DDX59: variants seen among roughly 807,000 people sequenced by gnomAD.
DDX59 encodes the protein DEAD-box helicase 59, also known as probable ATP-dependent RNA helicase DDX59.
DDX59 carries 30 observed loss-of-function variants against 51.9 expected under a neutral mutation model. The observed-to-expected ratio is 0.58, with a 90% CI of 0.43 to 0.78. The LOEUF (loss-of-function observed/expected upper bound fraction) is 0.78. Ranked by LOEUF, DDX59 falls within the 30% of genes least tolerant of loss-of-function variation. The pLI, the probability that DDX59 is intolerant of heterozygous loss-of-function variation, is 0.00. For synonymous variants in DDX59, 255 were observed against 253.3 expected, an observed-to-expected ratio of 1.01 and a Z score of -0.06; for missense variants, 672 against 730.8, an observed-to-expected ratio of 0.92 and a Z score of 0.93.
At chr1:200,644,638 G>A (rs1005335204) in intron 7 of DDX59, 121 bp from the exon 8 acceptor site, 48 of 1,228,064 alleles carry the variant, frequency 3.9e-5, no homozygotes, top group Non-Finnish European at 4.6e-5. Context: ...GCTCACGCCT[G>A]TAACCCCAGC....
intron 7 of DDX59, among the ~76,000 whole-genome samples, chr1:200,647,271 A>T (rs1339046981): frequency 6.6e-6 from 1 of 152,228 alleles, no homozygotes; most frequent in Non-Finnish European, 1.5e-5. Flanking sequence ...TTTCTGCTAG[A>T]GAGAGAAGCT....
At chr1:200,663,411 C>A (rs1483085057) in intron 3 of DDX59, among the ~76,000 whole-genome samples, 1 of 152,160 alleles carries the variant, frequency 6.6e-6, no homozygotes, top group Non-Finnish European at 1.5e-5. Context: ...TTATCTATGG[C>A]CATACAGCTA....
At position 200,664,061 on chromosome 1, in the gene DDX59, A is replaced by G; in HGVS notation, c.830T>C (p.Leu277Pro). The part of the protein sequence containing the change: ...FESKTPSALI[L>P]TPTRELAIQI... Reference sequence around the variant, plus strand: ...AATGGCTAACTCTCTGGTTGGTGTAAGAATGAGCGCAGATGGAGTTTTGCT... The same window carrying G: ...AATGGCTAACTCTCTGGTTGGTGTAGGAATGAGCGCAGATGGAGTTTTGCT... Residue 277 changes from leucine to proline, a missense_variant, in exon 3 of 8, where the codon CTT becomes CCT. By Grantham distance (98) the Leu-to-Pro change is moderately conservative (BLOSUM62 -3). Transcript: ENST00000331314. The G allele has an allele frequency of 6.2e-7, 1 of 1,613,502 alleles. No individual in the cohort carries two copies. Among genetic ancestry groups the G allele is most frequent in the South Asian group, 1.1e-5 (1 of 90,912 alleles).
chr1:200,664,187 G>T lies in DDX59; in HGVS notation c.805-101C>A, dbSNP rs985799704. 41 of 1,347,074 alleles carry T rather than the reference G, an allele frequency of 3.0e-5. No individual in the cohort carries two copies. The East Asian group carries it at 1.0e-3, about 33-fold the overall frequency. 83.4% of individuals were successfully genotyped at this position (1,347,074 alleles called of 1,614,324 possible). ...ATTCCAGGAACATGGCCCCTTTAAA[G>T]TGTTCCCAACTGGGTATGAGTCCTC... On this transcript the variant is annotated intron_variant, in intron 2 of 7. Transcript: ENST00000331314.
In DDX59 at chr1:200,666,119, A is replaced by C. The variant is rs1383773422; in HGVS notation, c.622T>G (p.Cys208Gly). The change falls in exon 2 of 8, where the codon TGT (cysteine) becomes GGT (glycine). Residue 208 changes from cysteine (C) to glycine (G), a missense_variant. By Grantham distance (159) the Cys-to-Gly change is radical. Transcript: ENST00000331314. ...VTRPIIDFEHCSLPEVLNHNL... is the reference protein window; with the variant it reads ...VTRPIIDFEHGSLPEVLNHNL... ...TGATTTAAGACCTCAGGGAGACTACAATGTTCAAAGTCAATAATGGGCCTG... is the reference window on the plus strand; with the variant it reads ...TGATTTAAGACCTCAGGGAGACTACCATGTTCAAAGTCAATAATGGGCCTG... 6.2e-7 allele frequency: 1 copy of C among 1,614,198 alleles called. No individual in the cohort carries two copies. The highest frequency in any genetic ancestry group is 1.6e-4 in the Middle Eastern group (1 of 6,062).
intron 1 of DDX59, among the ~76,000 whole-genome samples, chr1:200,667,613 TC>T (rs1208893165): frequency 6.6e-6 from 1 of 152,172 alleles, no homozygotes; most frequent in East Asian, 1.9e-4. Flanking sequence ...TTATAGAAAT[TC>T]TGGGGTAAAT....
chr1:200,655,325 A>C (rs1661948395), intron 4 of DDX59, among the ~76,000 whole-genome samples: 1 of 152,132 alleles, frequency 6.6e-6, no homozygotes, highest in Admixed American at 6.6e-5. Context: ...TGCAACTCTC[A>C]GATTTGGCCT....
Position 200,666,165 on chromosome 1 carries a change from TA to T in DDX59, c.575del (p.Leu192Ter), listed in dbSNP as rs1196184028. On this transcript the variant is annotated frameshift_variant, in exon 2 of 8. Coordinates refer to ENST00000331314, the MANE Select transcript of DDX59 (RefSeq NM_001031725.6). LOFTEE classifies it high-confidence loss of function. ...IENLKQQLGILVQGQEVTRPI... is the reference protein window; with the variant it reads ...IENLKQQLGIXVQGQEVTRPI... Reference sequence around the variant, plus strand: ...GCCTGGTGACTTCTTGCCCTTGAACTAAAATTCCCAGCTGCTGTTTAAGATT... The same window carrying T: ...GCCTGGTGACTTCTTGCCCTTGAACTAAATTCCCAGCTGCTGTTTAAGATT... 6.2e-7 allele frequency: 1 copy of T among 1,614,196 alleles called. No individual in the cohort carries two copies. Among genetic ancestry groups the T allele is most frequent in the East Asian group, 2.2e-5 (1 of 44,884 alleles).
intron 4 of DDX59, among the ~76,000 whole-genome samples, chr1:200,657,087 T>C (rs1205918248): frequency 4.0e-5 from 6 of 151,814 alleles, no homozygotes; most frequent in Admixed American, 1.3e-4. Context: ...CTGTCTCAAC[T>C]AAAAATACAA....
Position 200,666,316 on chromosome 1 carries a change from TTTTCC to T in DDX59, c.420_424del (p.Glu141GlyfsTer13). 6.2e-7 allele frequency: 1 copy of T among 1,614,196 alleles called. No homozygotes were observed. Among genetic ancestry groups the T allele is most frequent in the Non-Finnish European group, 8.5e-7 (1 of 1,180,028 alleles). ...ATTGCTGAGTTTTGATTTCTCTTCC[TTTTCC>T]TTAACTTGTAGAAGATGTTTCGCTT... On this transcript the variant is annotated frameshift_variant, in exon 2 of 8. Transcript: ENST00000331314. LOFTEE classifies it high-confidence loss of function.
chr1:200,648,586 A>C lies in DDX59; in HGVS notation c.1468-19T>G. ...GTAATCCCTTTCCAAAAAAGCAACA[A>C]AATTTATTATTCAGAATTTATTTTG... On this transcript the variant is annotated intron_variant, in intron 6 of 7. Transcript: ENST00000331314. The C allele has an allele frequency of 6.3e-7, 1 of 1,599,258 alleles. No homozygotes were observed. The highest frequency in any genetic ancestry group is 8.5e-7 in the Non-Finnish European group (1 of 1,173,450).
At chr1:200,665,757 C>G (rs1662684828) in intron 2 of DDX59, among the ~76,000 whole-genome samples, 180 bp downstream of exon 2, 1 of 152,154 alleles carries the variant, frequency 6.6e-6, no homozygotes, top group African/African-American at 2.4e-5. Flanking sequence ...AAGAAAAATT[C>G]CCTGAAATTA....
At chr1:200,655,692 T>C (rs1661975451) in intron 4 of DDX59, among the ~76,000 whole-genome samples, 1 of 152,204 alleles carries the variant, frequency 6.6e-6, no homozygotes, top group Non-Finnish European at 1.5e-5. Context: ...TCTAGTTTTC[T>C]CAATCTTTTT....
intron 1 of DDX59, among the ~76,000 whole-genome samples, chr1:200,668,330 A>C (rs1392411293): frequency 6.6e-6 from 1 of 151,936 alleles, no homozygotes; most frequent in African/African-American, 2.4e-5. Context: ...AAAGAAAAGA[A>C]ATTAAGTGGT....
chr1:200,649,559 G>A (rs985431404), intron 5 of DDX59, among the ~76,000 whole-genome samples: 5 of 142,998 alleles, frequency 3.5e-5, no homozygotes, highest in Non-Finnish European at 6.0e-5. Flanking sequence ...AACCTGAGAG[G>A]TAGAGGTTGC....
chr1:200,648,621 G>A, intron 6 of DDX59, 54 bp from the exon 7 acceptor site: 1 of 1,546,676 alleles, frequency 6.5e-7, no homozygotes, highest in Non-Finnish European at 8.7e-7. Context: ...GTGTGGTTTT[G>A]TGTAATTCTG....
In DDX59 at chr1:200,669,291, C is replaced by T. The variant is rs1482748535; in HGVS notation, c.-12+476G>A. Among the ~76,000 whole-genome samples the T allele has an allele frequency of 3.9e-5, 6 of 152,090 alleles. No homozygotes were observed. The East Asian group carries it at 1.2e-3, about 29-fold the overall frequency. On this transcript the variant is annotated intron_variant, in intron 1 of 7. Coordinates refer to ENST00000331314, the MANE Select transcript of DDX59 (RefSeq NM_001031725.6). ...CCAGATTCCAACTTCCAGAAAAATT[C>T]CAACAGAAATGCAACCGAGGGTCTA...
chr1:200,669,658 G>C (rs916319901), intron 1 of DDX59, 109 bp downstream of exon 1: 2 of 152,298 alleles, frequency 1.3e-5, no homozygotes, highest in African/African-American at 4.8e-5. Flanking sequence ...GTAAGGATGG[G>C]AGGAAGGCCG....
At position 200,650,652 on chromosome 1, in the gene DDX59, A is replaced by C; in HGVS notation, c.1087T>G (p.Phe363Val). ...AAAATGTCAAGCACTTGTTGTTGAA[A>C]ACCCATCTTTAACATGGTATCAGCC... ...DEADTMLKMG[F>V]QQQVLDILEN... The change falls in exon 5 of 8, where the codon TTT becomes GTT. Residue 363 changes from phenylalanine (F) to valine (V), a missense_variant. Phe to Val is a conservative substitution (Grantham distance 50). Coordinates refer to ENST00000331314, the MANE Select transcript of DDX59 (RefSeq NM_001031725.6). 2 of 1,612,892 alleles carry C rather than the reference A, an allele frequency of 1.2e-6. No homozygotes were observed. The highest frequency in any genetic ancestry group is 1.7e-6 in the Non-Finnish European group (2 of 1,179,148).
Sources: gnomAD v4.1 joint callset for allele counts (sites outside exome capture counted in the v4.1 genomes callset) on GRCh38, gnomAD v4.1.1 for gene constraint, MANE v1.5 for transcripts, NCBI Gene and HGNC (gene_info 2026-07-23, HGNC 2026-07-21) for gene names.